Variants in MRPS6 observed in about 807,000 individuals in gnomAD.
MRPS6 encodes mitochondrial ribosomal protein S6.
MRPS6 carries 6 observed loss-of-function variants against 13.1 expected under a neutral mutation model. That is an observed-to-expected ratio of 0.46 (90% CI 0.25 to 0.91). The LOEUF is 0.91. Ranked by LOEUF, MRPS6 falls within the 40% of genes least tolerant of loss-of-function variation. MRPS6 has a pLI of 0.18. For synonymous variants in MRPS6, 61 were observed against 56.5 expected, an observed-to-expected ratio of 1.08 and a Z score of -0.36; for missense variants, 164 against 155.6, an observed-to-expected ratio of 1.05 and a Z score of -0.29.
chr21:34,126,205 T>C (rs565924546), intron 2 of MRPS6, among the ~76,000 whole-genome samples: 5 of 152,318 alleles, frequency 3.3e-5, no homozygotes, highest in Non-Finnish European at 7.4e-5. Flanking sequence ...TCCCCTTCTG[T>C]TTCTGGCTTC....
intron 1 of MRPS6, chr21:34,097,601 C>A: frequency 1.6e-6 from 2 of 1,233,792 alleles, no homozygotes; most frequent in Admixed American, 4.1e-5. Context: ...ATTTTGCATA[C>A]CAAAGTAAGA....
In MRPS6 at chr21:34,116,771, G is replaced by T. The variant is rs563063714; in HGVS notation, c.46-8570G>T. Among the ~76,000 whole-genome samples the T allele has an allele frequency of 5.9e-5, 9 of 152,236 alleles. No individual in the cohort carries two copies. The South Asian group carries it at 1.9e-3, about 32-fold the overall frequency. ...TGAAAACATGGAGCAAACACAACCT[G>T]TAGGTAATTAACATTTATTGCCCCC... On this transcript the variant is annotated intron_variant, in intron 1 of 2. Coordinates refer to ENST00000399312, the MANE Select transcript of MRPS6 (RefSeq NM_032476.4).
chr21:34,102,281 GT>G, intron 1 of MRPS6: 1 of 999,528 alleles, frequency 1.0e-6, no homozygotes, highest in Non-Finnish European at 1.2e-6. Context: ...TCATATAAAT[GT>G]TTTTATTTAA....
intron 1 of MRPS6, among the ~76,000 whole-genome samples, chr21:34,087,613 G>T (rs1482021721): frequency 6.6e-6 from 1 of 152,196 alleles, no homozygotes; most frequent in African/African-American, 2.4e-5. Flanking sequence ...TTACTTTTGT[G>T]CAAAGACGTA....
intron 1 of MRPS6, among the ~76,000 whole-genome samples, chr21:34,108,613 C>A (rs1253730298): frequency 6.6e-6 from 1 of 152,208 alleles, no homozygotes; most frequent in Non-Finnish European, 1.5e-5. Context: ...TCTTCTCCAG[C>A]AGTGAGAAAT....
rs191149840 is a variant in MRPS6, at chr21:34,098,744, A to G, written c.45+24999A>G. 34 of 1,000,268 alleles carry G rather than the reference A, an allele frequency of 3.4e-5. No homozygotes were observed. In the East Asian group the frequency reaches 3.4e-3, roughly 100 times the overall value. The allele number at this position is 1,000,268 out of a possible 1,614,324, so 62.0% of individuals were successfully genotyped here. On this transcript the variant is annotated intron_variant, in intron 1 of 2. Transcript: ENST00000399312. ...TCTAACTTGACATGGCTTGGCACCC[A>G]CTTGCAGCTAGTGGGTACAGGGTAC... is the stretch of plus-strand genomic sequence containing the variant.
At chr21:34,097,960 T>C (rs1979050167) in intron 1 of MRPS6, 2 of 996,386 alleles carry the variant, frequency 2.0e-6, no homozygotes. Context: ...CACCAGTATA[T>C]GGAATGTTAG....
intron 2 of MRPS6, 120 bp from the exon 3 acceptor site, chr21:34,142,288 A>G (rs183347713): frequency 4.3e-5 from 46 of 1,058,100 alleles, no homozygotes; most frequent in East Asian, 5.4e-5. Flanking sequence ...ATGTGTGTGT[A>G]TGTGTGTGTT....
chr21:34,098,881 T>C (rs1048300058), intron 1 of MRPS6: 18 of 999,282 alleles, frequency 1.8e-5, no homozygotes, highest in Middle Eastern at 5.2e-4. Context: ...GTATGTACTT[T>C]CTTTGACCTT....
intron 1 of MRPS6, chr21:34,102,724 G>A (rs1321787894): frequency 1.0e-6 from 1 of 1,000,012 alleles, no homozygotes; most frequent in East Asian, 1.1e-4. Flanking sequence ...ACAAAACACA[G>A]TGGTCTCAGA....
chr21:34,121,222 T>C (rs904809114), intron 1 of MRPS6, among the ~76,000 whole-genome samples: 1 of 152,156 alleles, frequency 6.6e-6, no homozygotes, highest in African/African-American at 2.4e-5. Flanking sequence ...GATATCAGAA[T>C]TGGGGGGCAT....
intron 1 of MRPS6, among the ~76,000 whole-genome samples, 159 bp downstream of exon 1, chr21:34,073,904 G>T (rs1038552146): frequency 3.4e-5 from 5 of 145,502 alleles, no homozygotes; most frequent in Non-Finnish European, 7.6e-5. Context: ...CGCGGGAAGG[G>T]GGCGCGCGTG....
At chr21:34,125,166 T>C in intron 1 of MRPS6, 175 bp from the exon 2 acceptor site, 1 of 1,016,846 alleles carries the variant, frequency 9.8e-7, no homozygotes, top group Non-Finnish European at 1.4e-6. Context: ...ATCCTTACAA[T>C]AAATTCTCTC....
intron 1 of MRPS6, among the ~76,000 whole-genome samples, chr21:34,118,312 T>G (rs1264920940): frequency 6.6e-6 from 1 of 152,152 alleles, no homozygotes; most frequent in Non-Finnish European, 1.5e-5. Context: ...TATACTGTAT[T>G]ACAATAAAGT....
At chr21:34,086,008 A>G (rs1296487891) in intron 1 of MRPS6, among the ~76,000 whole-genome samples, 2 of 152,206 alleles carry the variant, frequency 1.3e-5, no homozygotes, top group East Asian at 1.9e-4. Flanking sequence ...GTGTCTGTCT[A>G]CAGTTCTGGT....
intron 1 of MRPS6, among the ~76,000 whole-genome samples, chr21:34,082,490 T>A (rs1989481600): frequency 1.3e-5 from 2 of 152,228 alleles, no homozygotes; most frequent in Non-Finnish European, 2.9e-5. Flanking sequence ...CTTAGGTGTT[T>A]GAAATACTAC....
At position 34,142,910 on chromosome 21, in the gene MRPS6, T is replaced by A. The variant is rs973279810; in HGVS notation, c.*310T>A. ...ACCATTTTTTGAAGAGCAAAACTTATAATACCTCCTGGGATTGTGAGCTAG... is the reference window on the plus strand; with the variant it reads ...ACCATTTTTTGAAGAGCAAAACTTAAAATACCTCCTGGGATTGTGAGCTAG... On this transcript the variant is annotated 3_prime_UTR_variant, in exon 3 of 3. Coordinates refer to ENST00000399312, the MANE Select transcript of MRPS6 (RefSeq NM_032476.4). The A allele has an allele frequency of 1.4e-5, 3 of 213,924 alleles. No individual in the cohort carries two copies. The highest frequency in any genetic ancestry group is 6.9e-5 in the African/African-American group (3 of 43,602). The allele number at this position is 213,924 out of a possible 1,614,324, so 13.3% of individuals were successfully genotyped here.
At chr21:34,120,228 G>A (rs1213357601) in intron 1 of MRPS6, among the ~76,000 whole-genome samples, 1 of 152,166 alleles carries the variant, frequency 6.6e-6, no homozygotes, top group African/African-American at 2.4e-5. Context: ...GGGGCTTTAA[G>A]AAGTTGTTGA....
Position 34,096,633 on chromosome 21 carries a change from G to T in MRPS6, c.45+22888G>T. 6.2e-7 allele frequency: 1 copy of T among 1,614,142 alleles called. No homozygotes were observed. Among genetic ancestry groups the T allele is most frequent in the Non-Finnish European group, 8.5e-7 (1 of 1,179,982 alleles). ...TTTCTATGGTGGAATGGCTGGCTTTGTTCTTGGAGCAGTCCGTTTGATACT... is the reference window on the plus strand; with the variant it reads ...TTTCTATGGTGGAATGGCTGGCTTTTTTCTTGGAGCAGTCCGTTTGATACT... On this transcript the variant is annotated intron_variant, in intron 1 of 2. Coordinates refer to ENST00000399312, the MANE Select transcript of MRPS6 (RefSeq NM_032476.4). This position sits in a 1 kb window ranked among gnomAD's most constrained non-coding sequence, Gnocchi z 5.9.
Sources: gnomAD v4.1 joint callset for allele counts (sites outside exome capture counted in the v4.1 genomes callset) on GRCh38, gnomAD v4.1.1 for gene constraint, Gnocchi (gnomAD v3.1) non-coding constraint, MANE v1.5 for transcripts, NCBI Gene and HGNC (gene_info 2026-07-23, HGNC 2026-07-21) for gene names.